The following HS6ST3 variants were observed in gnomAD, a reference collection of about 807,000 sequenced individuals.
HS6ST3 encodes heparan-sulfate 6-O-sulfotransferase 3.
HS6ST3 carries 12 observed loss-of-function variants against 36.7 expected under a neutral mutation model. The ratio of observed to expected loss-of-function variants is 0.33; its 90% CI spans 0.21 to 0.53. The LOEUF (loss-of-function observed/expected upper bound fraction) is 0.53. Ranked by LOEUF, HS6ST3 falls within the 20% of genes least tolerant of loss-of-function variation. HS6ST3 has a pLI of 0.95. For synonymous variants in HS6ST3, 240 were observed against 257.5 expected, an observed-to-expected ratio of 0.93 and a Z score of 0.65; for missense variants, 584 against 640.9, an observed-to-expected ratio of 0.91 and a Z score of 0.96.
intron 1 of HS6ST3, among the ~76,000 whole-genome samples, chr13:96,785,150 C>G (rs1877617200): frequency 6.6e-6 from 1 of 151,754 alleles, no homozygotes; most frequent in Non-Finnish European, 1.5e-5. Flanking sequence ...GCCTGGGCGA[C>G]AGAGTGAGAC....
rs1878562495 is a variant in HS6ST3, at chr13:96,822,684, C to T, written c.708-9806C>T. Among the ~76,000 whole-genome samples the T allele has an allele frequency of 2.0e-5, 3 of 152,178 alleles. No individual in the cohort carries two copies. The South Asian group carries it at 6.2e-4, about 31-fold the overall frequency. Reference sequence around the variant, plus strand: ...GACCTGTATGATCGAGAAGCCTCTTCTTTGATGCTTTTGTTTGGTTTGTTT... The same window carrying T: ...GACCTGTATGATCGAGAAGCCTCTTTTTTGATGCTTTTGTTTGGTTTGTTT... On this transcript the variant is annotated intron_variant, in intron 1 of 1. Transcript: ENST00000376705.
chr13:96,462,207 C>T (rs1243794526), intron 1 of HS6ST3, among the ~76,000 whole-genome samples: 1 of 152,012 alleles, frequency 6.6e-6, no homozygotes. Flanking sequence ...GAAGCTAGGA[C>T]AACAAGTGTG....
chr13:96,469,469 G>A (rs1288630166), intron 1 of HS6ST3, among the ~76,000 whole-genome samples: 1 of 152,056 alleles, frequency 6.6e-6, no homozygotes, highest in Non-Finnish European at 1.5e-5. Context: ...CCACCTTTCA[G>A]CCTGAGGTTT....
At chr13:96,365,196 T>C (rs758334121) in intron 1 of HS6ST3, among the ~76,000 whole-genome samples, 34 of 152,184 alleles carry the variant, frequency 2.2e-4, no homozygotes, top group Non-Finnish European at 8.8e-5. Flanking sequence ...ATGTTTTAGA[T>C]GTACTTTGCC....
intron 1 of HS6ST3, among the ~76,000 whole-genome samples, chr13:96,165,402 C>G (rs1461397956): frequency 6.6e-6 from 1 of 152,142 alleles, no homozygotes; most frequent in African/African-American, 2.4e-5. Context: ...TTATGAAAAG[C>G]AATAACAGAA....
chr13:96,730,497 C>T (rs1876121961), intron 1 of HS6ST3, among the ~76,000 whole-genome samples: 1 of 152,126 alleles, frequency 6.6e-6, no homozygotes, highest in Admixed American at 6.5e-5. Flanking sequence ...TTCCTACCCT[C>T]CCCCACAAAA....
At chr13:96,145,097 G>A (rs61968004) in intron 1 of HS6ST3, among the ~76,000 whole-genome samples, 3,984 of 62,494 alleles carry the variant, frequency 0.064, 155 homozygotes, top group Non-Finnish European at 0.078. Context: ...GAATAGTGCC[G>A]CAGTAAACAT....
intron 1 of HS6ST3, among the ~76,000 whole-genome samples, chr13:96,501,239 G>A (rs771988432): frequency 1.3e-5 from 2 of 152,106 alleles, no homozygotes; most frequent in East Asian, 1.9e-4. Context: ...CTGTTTGCTC[G>A]ACAGAAGGGG....
intron 1 of HS6ST3, among the ~76,000 whole-genome samples, chr13:96,696,733 GAGA>G (rs1875139135): frequency 6.6e-6 from 1 of 152,154 alleles, no homozygotes; most frequent in African/African-American, 2.4e-5. Context: ...TTCTCTAAGA[GAGA>G]AGAACTACCA....
intron 1 of HS6ST3, among the ~76,000 whole-genome samples, chr13:96,423,032 G>C (rs1333660015): frequency 3.3e-5 from 5 of 152,032 alleles, no homozygotes; most frequent in Non-Finnish European, 7.4e-5. Context: ...ATCATCAATG[G>C]GGAATAGAAC....
chr13:96,481,909 T>C (rs1227191161), intron 1 of HS6ST3, among the ~76,000 whole-genome samples: 1 of 152,194 alleles, frequency 6.6e-6, no homozygotes, highest in Admixed American at 6.5e-5. Context: ...CTCACCTTTG[T>C]TTCTTTCTTC....
chr13:96,318,745 CTG>C (rs1481311881), intron 1 of HS6ST3, among the ~76,000 whole-genome samples: 1 of 151,946 alleles, frequency 6.6e-6, no homozygotes, highest in Non-Finnish European at 1.5e-5. Flanking sequence ...TTCCATTGAT[CTG>C]TGTGTCTGTG....
intron 1 of HS6ST3, among the ~76,000 whole-genome samples, chr13:96,394,766 G>A (rs12877270): frequency 0.5 from 76,449 of 151,942 alleles, 19,736 homozygotes; most frequent in African/African-American, 0.6. Context: ...GATACAGAAC[G>A]GTGTAAGAAT....
chr13:96,225,624 G>C (rs1239183172), intron 1 of HS6ST3, among the ~76,000 whole-genome samples: 1 of 152,152 alleles, frequency 6.6e-6, no homozygotes, highest in African/African-American at 2.4e-5. Flanking sequence ...GTCTATGATA[G>C]AACATTTTAT....
intron 1 of HS6ST3, among the ~76,000 whole-genome samples, chr13:96,331,654 C>T (rs1390953043): frequency 6.6e-6 from 1 of 152,212 alleles, no homozygotes; most frequent in African/African-American, 2.4e-5. Context: ...GCCCTGCCCC[C>T]AGAGGTGGAG....
intron 1 of HS6ST3, among the ~76,000 whole-genome samples, chr13:96,716,525 A>T (rs1444827296): frequency 6.6e-6 from 1 of 152,158 alleles, no homozygotes; most frequent in Non-Finnish European, 1.5e-5. Flanking sequence ...CAACTCTCTA[A>T]TATGATAATT....
At chr13:96,163,443 A>C (rs1012706700) in intron 1 of HS6ST3, among the ~76,000 whole-genome samples, 3 of 151,766 alleles carry the variant, frequency 2.0e-5, no homozygotes, top group Non-Finnish European at 4.4e-5. Flanking sequence ...ATTAGCTAGC[A>C]TGGTCTCGAT....
intron 1 of HS6ST3, among the ~76,000 whole-genome samples, chr13:96,800,008 A>G (rs1878027529): frequency 7.8e-6 from 1 of 128,068 alleles, no homozygotes; most frequent in African/African-American, 3.1e-5. Flanking sequence ...GTATATATAT[A>G]TATATGTATA....
intron 1 of HS6ST3, among the ~76,000 whole-genome samples, chr13:96,431,262 ACC>A (rs1288877271): frequency 8.8e-5 from 13 of 148,282 alleles, no homozygotes; most frequent in African/African-American, 3.2e-4. Context: ...CAACAAATAA[ACC>A]AAAACCAAAA....
Sources: allele counts gnomAD v4.1 joint callset (sites outside exome capture counted in the v4.1 genomes callset), GRCh38; gene constraint gnomAD v4.1.1; transcripts MANE v1.5; gene names NCBI Gene and HGNC (gene_info 2026-07-23, HGNC 2026-07-21).